The following STAG1 variants were observed in gnomAD, a reference collection of about 807,000 sequenced individuals.
STAG1 encodes cohesin subunit SA-1.
STAG1 carries 26 observed loss-of-function variants against 170.9 expected under a neutral mutation model. That is an observed-to-expected ratio of 0.15 (90% CI 0.11 to 0.21). The LOEUF is 0.21. Ranked by LOEUF, STAG1 falls within the 10% of genes least tolerant of loss-of-function variation. The pLI is 1.00. For synonymous variants in STAG1, 514 were observed against 497.7 expected (o/e 1.03, Z -0.44); for missense variants, 964 against 1,509.5 (o/e 0.64, Z 5.99).
intron 5 of STAG1, among the ~76,000 whole-genome samples, chr3:136,546,708 A>C (rs72971403): frequency 1.3e-3 from 202 of 152,346 alleles, no homozygotes; most frequent in African/African-American, 3.1e-3. Context: ...TGAAAAAGCA[A>C]AGAGAAGCTG....
intron 1 of STAG1, among the ~76,000 whole-genome samples, chr3:136,740,901 A>C (rs1934634410): frequency 6.6e-6 from 1 of 152,216 alleles, no homozygotes; most frequent in African/African-American, 2.4e-5. Context: ...GAAGAGATAA[A>C]GCTGGAAAGC....
At chr3:136,501,244 C>T (rs893366975) in intron 8 of STAG1, among the ~76,000 whole-genome samples, 1 of 152,070 alleles carries the variant, frequency 6.6e-6, no homozygotes, top group Admixed American at 6.6e-5. Context: ...TACGAAAGCC[C>T]AGCTCTAGTA....
intron 22 of STAG1, among the ~76,000 whole-genome samples, chr3:136,393,365 C>T (rs373815944): frequency 2.0e-5 from 3 of 151,988 alleles, no homozygotes; most frequent in African/African-American, 7.2e-5. Context: ...ATTAGCCGGA[C>T]ATGGTGGTGG....
chr3:136,626,741 T>A (rs1253570342), intron 2 of STAG1, among the ~76,000 whole-genome samples: 1 of 152,196 alleles, frequency 6.6e-6, no homozygotes, highest in Non-Finnish European at 1.5e-5. Flanking sequence ...TCAGTTTACA[T>A]ATGTTATCTA....
At chr3:136,682,462 T>TATATAC (rs1559948453) in intron 1 of STAG1, among the ~76,000 whole-genome samples, 45 of 149,906 alleles carry the variant, frequency 3.0e-4, no homozygotes, top group Non-Finnish European at 7.4e-5. Context: ...TATATATATA[T>TATATAC]ACACATATGG....
chr3:136,384,989 G>T (rs988070575), intron 22 of STAG1, among the ~76,000 whole-genome samples: 1 of 152,094 alleles, frequency 6.6e-6, no homozygotes, highest in Non-Finnish European at 1.5e-5. Flanking sequence ...TTACAGGAGT[G>T]GGAACTGAAG....
At chr3:136,398,638 A>T (rs999227897) in intron 22 of STAG1, 111 bp downstream of exon 22, 21 of 425,080 alleles carry the variant, frequency 4.9e-5, no homozygotes, top group Non-Finnish European at 6.2e-5. Flanking sequence ...ATTTTATTAA[A>T]TATTACAATA....
chr3:136,640,408 G>A (rs562159748), intron 1 of STAG1, among the ~76,000 whole-genome samples: 15 of 144,710 alleles, frequency 1.0e-4, no homozygotes, highest in African/African-American at 3.6e-4. Flanking sequence ...TCGCTCTGTC[G>A]CCCAGGCTGG....
chr3:136,385,484 C>G (rs764476509), intron 22 of STAG1, among the ~76,000 whole-genome samples: 1 of 152,150 alleles, frequency 6.6e-6, no homozygotes, highest in Non-Finnish European at 1.5e-5. Flanking sequence ...GAAAGGAATT[C>G]AGATGGCTCG....
At chr3:136,406,511 A>G (rs145685134) in intron 21 of STAG1, among the ~76,000 whole-genome samples, 3 of 152,352 alleles carry the variant, frequency 2.0e-5, no homozygotes, top group African/African-American at 2.4e-5. Flanking sequence ...ATTAAAATTC[A>G]TAAGACTGTA....
chr3:136,563,587 G>C (rs1266747834), intron 5 of STAG1, among the ~76,000 whole-genome samples: 1 of 148,702 alleles, frequency 6.7e-6, no homozygotes, highest in Non-Finnish European at 1.5e-5. Flanking sequence ...GTTACCGTCA[G>C]GTTTTTCTTT....
chr3:136,610,249 C>G lies in STAG1; in HGVS notation c.133-5776G>C, dbSNP rs778033288. 2.0e-5 allele frequency among the ~76,000 whole-genome samples: 3 copies of G among 152,120 alleles called. No homozygotes were observed. In the East Asian group the frequency reaches 5.8e-4, roughly 29 times the overall value. On this transcript the variant is annotated intron_variant, in intron 3 of 33. Coordinates refer to ENST00000383202, the MANE Select transcript of STAG1 (RefSeq NM_005862.3). ...ATGGGATTTCACCATATTGGCCAGG[C>G]TGGTCTCAAATTCCTGACCTTGTGA...
At chr3:136,520,954 C>T (rs1434382050) in intron 7 of STAG1, among the ~76,000 whole-genome samples, 1 of 152,052 alleles carries the variant, frequency 6.6e-6, no homozygotes, top group Non-Finnish European at 1.5e-5. Flanking sequence ...AAAATTTCTT[C>T]AGTTATAAAT....
In STAG1 at chr3:136,359,297, C is replaced by A; in HGVS notation, c.2788-1G>T. 1 of 1,552,860 alleles carries A rather than the reference C, an allele frequency of 6.4e-7. No individual in the cohort carries two copies. Among genetic ancestry groups the A allele is most frequent in the Admixed American group, 2.0e-5 (1 of 49,378 alleles). ...GCTCTTGAACAAGTTCATTAAATAA[C>A]TGATAGAAAGAAAAAAAGAAGAAAA... On this transcript the variant is annotated splice_acceptor_variant, in intron 26 of 33. Transcript: ENST00000383202. LOFTEE classifies it high-confidence loss of function.
chr3:136,597,088 T>C (rs912842463), intron 4 of STAG1, among the ~76,000 whole-genome samples: 2 of 152,136 alleles, frequency 1.3e-5, no homozygotes, highest in African/African-American at 4.8e-5. Context: ...AAAAAAATTT[T>C]TTTTCAGAGT....
intron 4 of STAG1, among the ~76,000 whole-genome samples, chr3:136,600,354 G>A (rs746485357): frequency 3.9e-5 from 6 of 152,108 alleles, no homozygotes; most frequent in Non-Finnish European, 7.4e-5. Context: ...AGCCCGATTC[G>A]ATTCTCCTAT....
intron 6 of STAG1, among the ~76,000 whole-genome samples, chr3:136,541,457 G>A (rs572261937): frequency 6.6e-6 from 1 of 151,558 alleles, no homozygotes; most frequent in South Asian, 2.1e-4. Flanking sequence ...ATTAATTTGT[G>A]AAGCCAAGCA....
At chr3:136,458,239 C>CTCTG (rs1324017233) in intron 13 of STAG1, among the ~76,000 whole-genome samples, 9 of 152,144 alleles carry the variant, frequency 5.9e-5, no homozygotes, top group Non-Finnish European at 8.8e-5. Flanking sequence ...TCACTGCAAC[C>CTCTG]TCTGCTTCCT....
At chr3:136,476,899 G>T (rs908452520) in intron 10 of STAG1, among the ~76,000 whole-genome samples, 4 of 151,966 alleles carry the variant, frequency 2.6e-5, no homozygotes, top group Non-Finnish European at 5.9e-5. Context: ...ATCTATTCAA[G>T]TCTGATAAAG....
Sources: allele counts gnomAD v4.1 joint callset (sites outside exome capture counted in the v4.1 genomes callset), GRCh38; gene constraint gnomAD v4.1.1; transcripts MANE v1.5; gene names NCBI Gene and HGNC (gene_info 2026-07-23, HGNC 2026-07-21).